Variants in SCAF11 observed in about 807,000 individuals in gnomAD.
SCAF11 encodes the protein protein SCAF11.
Under a neutral mutation model 140.5 loss-of-function variants are expected in SCAF11, and 47 were observed. The ratio of observed to expected loss-of-function variants is 0.33; its 90% CI spans 0.26 to 0.43. The LOEUF (loss-of-function observed/expected upper bound fraction) is 0.43. Among genes scored for constraint, SCAF11 ranks in the 20% least tolerant of loss-of-function variants. The pLI, the probability that SCAF11 is intolerant of heterozygous loss-of-function variation, is 1.00. For synonymous variants in SCAF11, 557 were observed against 579.4 expected (o/e 0.96, Z 0.55); for missense variants, 1,645 against 1,705.1 (o/e 0.96, Z 0.62).
intron 9 of SCAF11, among the ~76,000 whole-genome samples, chr12:45,932,623 A>G (rs959570662): frequency 1.3e-5 from 2 of 152,178 alleles, no homozygotes; most frequent in African/African-American, 4.8e-5. Flanking sequence ...AGCTTGATTT[A>G]AGTATATATT....
At chr12:45,965,760 T>C (rs879330687) in intron 1 of SCAF11, among the ~76,000 whole-genome samples, 1 of 152,252 alleles carries the variant, frequency 6.6e-6, no homozygotes, top group African/African-American at 2.4e-5. Context: ...GGTTTTTCTA[T>C]TAATTTCTAA....
intron 1 of SCAF11, among the ~76,000 whole-genome samples, chr12:45,976,240 ATTC>A (rs1946229782): frequency 6.6e-6 from 1 of 152,186 alleles, no homozygotes; most frequent in Non-Finnish European, 1.5e-5. Context: ...AGTATGTATA[ATTC>A]TTAGAGCTAC....
chr12:45,962,706 T>C (rs1945857096), intron 2 of SCAF11, among the ~76,000 whole-genome samples: 2 of 152,210 alleles, frequency 1.3e-5, no homozygotes, highest in Non-Finnish European at 2.9e-5. Context: ...TGTTTAGATC[T>C]GGAGACTAAG....
At chr12:45,937,568 G>A (rs2136537821) in intron 6 of SCAF11, among the ~76,000 whole-genome samples, 1 of 152,124 alleles carries the variant, frequency 6.6e-6, no homozygotes, top group Non-Finnish European at 1.5e-5. Context: ...CAGCTAATGT[G>A]TTTCACTGTA....
At position 45,934,313 on chromosome 12, in the gene SCAF11, A is replaced by G. The variant is rs372969153; in HGVS notation, c.523-28T>C. 2,681 of 1,485,264 alleles carry G rather than the reference A, an allele frequency of 1.8e-3. 44 individuals are homozygous for G. The Middle Eastern group carries it at 0.023, about 13-fold the overall frequency. 92.0% of individuals were successfully genotyped at this position (1,485,264 alleles called of 1,614,324 possible). ...AGAAAAGTAAAAAGTAGTTAGTGAA[A>G]CAGCAAATAAATAACAGGTAAATAA... On this transcript the variant is annotated intron_variant, in intron 7 of 14. Transcript: ENST00000369367.
chr12:45,920,012 A>G lies in SCAF11; in HGVS notation c.*2036T>C, dbSNP rs932896005. 4 of 152,360 alleles carry G rather than the reference A, an allele frequency of 2.6e-5. No individual in the cohort carries two copies. Among genetic ancestry groups the G allele is most frequent in the Middle Eastern group, 6.8e-3 (2 of 294 alleles). 9.4% of individuals were successfully genotyped at this position (152,360 alleles called of 1,614,324 possible). A position where few individuals can be genotyped will look rare whatever the true frequency, so the allele number is the denominator to read the frequency against. Reference sequence around the variant, plus strand: ...ATTGTTTCTAGAGTTCTAATCTAAAACAACTAAGGAGGTGTGCCTTGATAT... The same window carrying G: ...ATTGTTTCTAGAGTTCTAATCTAAAGCAACTAAGGAGGTGTGCCTTGATAT... On this transcript the variant is annotated 3_prime_UTR_variant, in exon 15 of 15. Coordinates refer to ENST00000369367, the MANE Select transcript of SCAF11 (RefSeq NM_004719.3).
rs1359102509 is a variant in SCAF11, at chr12:45,961,747, T to C, written c.172A>G (p.Ser58Gly). The change falls in exon 3 of 15, where the codon AGC becomes GGC. Residue 58 changes from serine (S) to glycine (G), a missense_variant. Around this residue, in one of 2 missense-constraint regions of SCAF11, gnomAD observed 1,582 missense variants for 1,609.2 expected, o/e 0.98. Coordinates refer to ENST00000369367, the MANE Select transcript of SCAF11 (RefSeq NM_004719.3). The part of the protein sequence containing the change: ...LLEKEVGFPE[S>G]CNHVFCMTCI... ...GTCATACAGAAGACATGATTACAGC[T>C]TTCTGGAAAACCAACTTCCTTTTCT... The C allele has an allele frequency of 1.2e-6, 2 of 1,613,112 alleles. No individual in the cohort carries two copies. The highest frequency in any genetic ancestry group is 1.7e-6 in the Non-Finnish European group (2 of 1,179,440).
intron 4 of SCAF11, 66 bp from the exon 5 acceptor site, chr12:45,948,603 C>T (rs1014566203): frequency 2.1e-6 from 2 of 969,966 alleles, no homozygotes; most frequent in African/African-American, 3.3e-5. Flanking sequence ...TTAAATTCTT[C>T]CTTGAAATGA....
chr12:45,967,525 T>C (rs1945979945), intron 1 of SCAF11, among the ~76,000 whole-genome samples: 1 of 152,098 alleles, frequency 6.6e-6, no homozygotes, highest in Non-Finnish European at 1.5e-5. Flanking sequence ...GCACCTATAA[T>C]GCCAGCTACA....
At chr12:45,981,017 T>G (rs570004773) in intron 1 of SCAF11, among the ~76,000 whole-genome samples, 1 of 152,292 alleles carries the variant, frequency 6.6e-6, no homozygotes, top group South Asian at 2.1e-4. Context: ...ATTTATAAAT[T>G]AACAAAATAA....
intron 6 of SCAF11, among the ~76,000 whole-genome samples, chr12:45,938,688 T>A (rs1945226895): frequency 6.6e-6 from 1 of 151,888 alleles, no homozygotes; most frequent in Admixed American, 6.6e-5. Context: ...TCCGAAAGGA[T>A]GTTTCATGAA....
At chr12:45,939,652 C>T (rs1218318710) in intron 6 of SCAF11, among the ~76,000 whole-genome samples, 3 of 152,124 alleles carry the variant, frequency 2.0e-5, no homozygotes, top group Non-Finnish European at 4.4e-5. Flanking sequence ...GAGCCGAGAT[C>T]GTGCCATTGA....
intron 4 of SCAF11, among the ~76,000 whole-genome samples, chr12:45,950,918 G>C (rs973909205): frequency 6.6e-6 from 1 of 152,024 alleles, no homozygotes; most frequent in Non-Finnish European, 1.5e-5. Context: ...TGTTTATATT[G>C]AGTACTCTCA....
rs892901257 is a variant in SCAF11, at chr12:45,931,568, A to G, written c.779T>C (p.Leu260Pro). ...AGTTCTTGGCAACACAGAAGAAATG[A>G]GAGGAAGGACTTCTGTTTCAACATT... ...PWNVETEVLP[L>P]ISSVLPRTIF... The change falls in exon 10 of 15, where the codon CTC becomes CCC. Residue 260 changes from leucine (L) to proline (P), a missense_variant. This residue lies in a region of SCAF11 where 1,582 missense variants were observed against 1,609.2 expected (regional missense o/e 0.98). Transcript: ENST00000369367. The G allele has an allele frequency of 3.3e-6, 5 of 1,533,588 alleles. No individual in the cohort carries two copies. Among genetic ancestry groups the G allele is most frequent in the African/African-American group, 2.8e-5 (2 of 70,282 alleles). The allele number at this position is 1,533,588 out of a possible 1,614,324, so 95.0% of individuals were successfully genotyped here. A position where few individuals can be genotyped will look rare whatever the true frequency, so the allele number is the denominator to read the frequency against.
intron 3 of SCAF11, among the ~76,000 whole-genome samples, chr12:45,956,415 C>A (rs1458713846): frequency 1.3e-5 from 2 of 152,054 alleles, no homozygotes; most frequent in African/African-American, 2.4e-5. Flanking sequence ...TTTTCCAGGA[C>A]CTATCTTTTT....
In SCAF11 at chr12:45,925,038, T is replaced by A. The variant is rs759611162; in HGVS notation, c.3596A>T (p.Asp1199Val). The stretch of plus-strand genomic sequence containing the variant: ...CATATTTATAGGTAGCTGAGAACCA[T>A]CAACTTGCTGGTTTGTTTGGTCTTT... ...SLKDQTNQQVDGSQLPINMMQ... is the reference protein window; with the variant it reads ...SLKDQTNQQVVGSQLPINMMQ... The change falls in exon 12 of 15, where the codon GAT (aspartate) becomes GTT (valine). Residue 1199 changes from aspartate to valine, a missense_variant. Asp to Val is a radical substitution (Grantham distance 152). This residue lies in a region of SCAF11 where 1,582 missense variants were observed against 1,609.2 expected (regional missense o/e 0.98). Coordinates refer to ENST00000369367, the MANE Select transcript of SCAF11 (RefSeq NM_004719.3). The A allele has an allele frequency of 6.2e-6, 10 of 1,613,526 alleles. No homozygotes were observed. The highest frequency in any genetic ancestry group is 8.5e-6 in the Non-Finnish European group (10 of 1,179,456).
At chr12:45,968,351 CCTAATATAATGAT>C (rs2136630515) in intron 1 of SCAF11, among the ~76,000 whole-genome samples, 1 of 152,172 alleles carries the variant, frequency 6.6e-6, no homozygotes, top group African/African-American at 2.4e-5. Flanking sequence ...GTCTGTGACC[CCTAATATAATGAT>C]CTAACATACT....
Position 45,923,129 on chromosome 12 carries a change from C to T in SCAF11, c.3932G>A (p.Ser1311Asn), listed in dbSNP as rs773958554. The change falls in exon 13 of 15, where the codon AGT (serine) becomes AAT (asparagine). Residue 1311 changes from serine to asparagine, a missense_variant. Transcript: ENST00000369367. The part of the protein sequence containing the change: ...LQGIPSSSHV[S>N]NNMSTPVLPA... ...CAAAACTGGTGTACTCATGTTATTA[C>T]TTACATGAGAAGAACTAGGAATACC... is the stretch of plus-strand genomic sequence containing the variant. The T allele has an allele frequency of 1.9e-6, 3 of 1,613,692 alleles. No individual in the cohort carries two copies. The highest frequency in any genetic ancestry group is 4.5e-5 in the East Asian group (2 of 44,876).
chr12:45,929,087 A>C (rs1479241112), intron 10 of SCAF11: 3 of 307,352 alleles, frequency 9.8e-6, no homozygotes, highest in Non-Finnish European at 1.7e-5. Context: ...CCAAATGGGC[A>C]ATTTTATAGA....
Sources: allele counts gnomAD v4.1 joint callset (sites outside exome capture counted in the v4.1 genomes callset), GRCh38; gene constraint gnomAD v4.1.1; regional missense constraint gnomAD v4.1.1; transcripts MANE v1.5; gene names NCBI Gene and HGNC (gene_info 2026-07-23, HGNC 2026-07-21).